The following PPP6R3 variants were observed in gnomAD, a reference collection of about 807,000 sequenced individuals.
The protein encoded by PPP6R3 is serine/threonine-protein phosphatase 6 regulatory subunit 3.
A neutral mutation model predicts 110.7 loss-of-function variants in PPP6R3; 38 were observed. The ratio of observed to expected loss-of-function variants is 0.34; its 90% CI spans 0.26 to 0.45. The LOEUF (loss-of-function observed/expected upper bound fraction) is 0.45. PPP6R3 is among the 20% of genes least tolerant of loss of function. The pLI, the probability that PPP6R3 is intolerant of heterozygous loss-of-function variation, is 1.00. For synonymous variants in PPP6R3, 369 were observed against 373.5 expected, an observed-to-expected ratio of 0.99 and a Z score of 0.14; for missense variants, 870 against 1,062.4, an observed-to-expected ratio of 0.82 and a Z score of 2.52.
At chr11:68,530,505 C>A (rs1010898989) in intron 2 of PPP6R3, among the ~76,000 whole-genome samples, 1 of 152,194 alleles carries the variant, frequency 6.6e-6, no homozygotes, top group African/African-American at 2.4e-5. Context: ...GTTTAGGTAG[C>A]GGCAACTTCT....
chr11:68,558,570 G>C lies in PPP6R3; in HGVS notation c.736G>C (p.Glu246Gln). 3.7e-6 allele frequency: 6 copies of C among 1,607,950 alleles called. No homozygotes were observed. The highest frequency in any genetic ancestry group is 4.3e-6 in the Non-Finnish European group (5 of 1,175,546). ...ATTATTGATTTGTTTCCCTAGGCAA[G>C]AAATTATAGAGCAGCTTCTATCAAA... ...DPLLATLEKQ[E>Q]IIEQLLSNIF... Residue 246 changes from glutamate (E) to glutamine (Q), a missense_variant, in exon 8 of 24, where the codon GAA (glutamate) becomes CAA (glutamine). Transcript: ENST00000393800.
At chr11:68,501,295 T>C (rs1384996008) in intron 1 of PPP6R3, among the ~76,000 whole-genome samples, 1 of 152,202 alleles carries the variant, frequency 6.6e-6, no homozygotes, top group Admixed American at 6.5e-5. Context: ...TAAATTACAA[T>C]GTGATTAACC....
At chr11:68,519,469 T>A (rs985387066) in intron 1 of PPP6R3, 32 bp from the exon 2 acceptor site, 1 of 396,102 alleles carries the variant, frequency 2.5e-6, no homozygotes, top group African/African-American at 2.1e-5. Context: ...AGAGAACATA[T>A]GTGATTATCT....
At chr11:68,463,230 A>C (rs2098720852) in intron 1 of PPP6R3, among the ~76,000 whole-genome samples, 1 of 151,882 alleles carries the variant, frequency 6.6e-6, no homozygotes, top group Non-Finnish European at 1.5e-5. Context: ...TTAGTCGGTC[A>C]TGGTGGCGTG....
At chr11:68,533,481 G>A (rs769212254) in intron 2 of PPP6R3, among the ~76,000 whole-genome samples, 8 of 152,000 alleles carry the variant, frequency 5.3e-5, no homozygotes, top group Non-Finnish European at 1.0e-4. Flanking sequence ...GAGAGGCAGA[G>A]GTGGTCGATT....
rs114830791 is a variant in PPP6R3 at position 68,551,294 on chromosome 11, A to G, written c.618+108A>G. 8.2e-4 allele frequency: 654 copies of G among 798,218 alleles called. 6 individuals are homozygous for G. In the African/African-American group the frequency reaches 0.011, roughly 13 times the overall value. The allele number at this position is 798,218 out of a possible 1,614,324, so 49.4% of individuals were successfully genotyped here. A position where few individuals can be genotyped will look rare whatever the true frequency, so the allele number is the denominator to read the frequency against. ...AAATGTGAACATGATCAGAGCATAC[A>G]GGGAGAATAGCAGCGATCTAGTGTT... On this transcript the variant is annotated intron_variant, in intron 6 of 23. Transcript: ENST00000393800.
intron 1 of PPP6R3, among the ~76,000 whole-genome samples, chr11:68,465,179 TTTTTTG>T (rs1383790166): frequency 1.3e-5 from 2 of 151,988 alleles, no homozygotes; most frequent in Non-Finnish European, 2.9e-5. Flanking sequence ...ACCATGCCTG[TTTTTTG>T]TTTTTGTTTT....
chr11:68,573,112 TTTTATATATATATA>T (rs1316568775), intron 12 of PPP6R3, among the ~76,000 whole-genome samples: 3 of 38,078 alleles, frequency 7.9e-5, no homozygotes, highest in African/African-American at 3.1e-4. Flanking sequence ...AGTTTACTTA[TTTTATATATATATA>T]TATATATATA....
At chr11:68,556,875 T>C (rs1281194978) in intron 7 of PPP6R3, among the ~76,000 whole-genome samples, 1 of 152,240 alleles carries the variant, frequency 6.6e-6, no homozygotes, top group Non-Finnish European at 1.5e-5. Flanking sequence ...TGTCAAGTTT[T>C]CGCTGGTTAT....
intron 4 of PPP6R3, 26 bp downstream of exon 4, chr11:68,545,050 G>C: frequency 6.5e-7 from 1 of 1,534,744 alleles, no homozygotes; most frequent in Non-Finnish European, 9.0e-7. Flanking sequence ...CAAAAGGTAA[G>C]TATTAGGGCT....
intron 8 of PPP6R3, among the ~76,000 whole-genome samples, chr11:68,561,268 T>C (rs1565855286): frequency 6.6e-6 from 1 of 152,200 alleles, no homozygotes; most frequent in Non-Finnish European, 1.5e-5. Context: ...TTGGCATTTT[T>C]TTCCACCTTT....
At chr11:68,581,003 C>T (rs1247859624) in intron 14 of PPP6R3, among the ~76,000 whole-genome samples, 1 of 152,022 alleles carries the variant, frequency 6.6e-6, no homozygotes, top group Non-Finnish European at 1.5e-5. Flanking sequence ...GATCTCCTGA[C>T]CTCGTGATCC....
In PPP6R3 at chr11:68,503,069, G is replaced by A. The variant is rs184334352; in HGVS notation, c.-157-16432G>A. ...AGTGATTCTCCTGCCTCAGCCTCCCGAGTACCTGGGACTACAGGCGCACAC... is the reference window on the plus strand; with the variant it reads ...AGTGATTCTCCTGCCTCAGCCTCCCAAGTACCTGGGACTACAGGCGCACAC... On this transcript the variant is annotated intron_variant, in intron 1 of 23. Transcript: ENST00000393800. 3.6e-3 allele frequency among the ~76,000 whole-genome samples: 545 copies of A among 151,900 alleles called. 3 individuals are homozygous for A. Among genetic ancestry groups the A allele is most frequent in the African/African-American group, 0.012 (511 of 41,382 alleles).
chr11:68,493,371 C>G (rs1416281270), intron 1 of PPP6R3, among the ~76,000 whole-genome samples: 1 of 151,918 alleles, frequency 6.6e-6, no homozygotes, highest in African/African-American at 2.4e-5. Flanking sequence ...TAATTTCTCC[C>G]TCTATTTCAT....
At chr11:68,525,127 C>T (rs1365414777) in intron 2 of PPP6R3, among the ~76,000 whole-genome samples, 2 of 152,336 alleles carry the variant, frequency 1.3e-5, no homozygotes, top group Non-Finnish European at 1.5e-5. Context: ...AGCATGTTTA[C>T]TAGCTCTGGT....
intron 2 of PPP6R3, among the ~76,000 whole-genome samples, chr11:68,536,337 G>C (rs1166059614): frequency 6.6e-6 from 1 of 151,912 alleles, no homozygotes; most frequent in East Asian, 1.9e-4. Flanking sequence ...TGCCCTGCTG[G>C]AGTGTAGGAG....
At chr11:68,502,136 C>T (rs1280698630) in intron 1 of PPP6R3, among the ~76,000 whole-genome samples, 2 of 152,108 alleles carry the variant, frequency 1.3e-5, no homozygotes, top group African/African-American at 4.8e-5. Flanking sequence ...CTACGAAAGA[C>T]AATGCAGGCT....
chr11:68,534,633 G>A (rs2840367), intron 2 of PPP6R3, among the ~76,000 whole-genome samples: 93,080 of 152,148 alleles, frequency 0.61, 29,735 homozygotes, highest in South Asian at 0.8. Flanking sequence ...ATTGGTGAAC[G>A]TATACCCTGT....
Position 68,613,538 on chromosome 11 carries a change from C to A in PPP6R3, c.*421C>A. The A allele has an allele frequency of 1.0e-6, 1 of 986,804 alleles. No individual in the cohort carries two copies. Among genetic ancestry groups the A allele is most frequent in the Non-Finnish European group, 1.2e-6 (1 of 830,652 alleles). The allele number at this position is 986,804 out of a possible 1,614,324, so 61.1% of individuals were successfully genotyped here. On this transcript the variant is annotated 3_prime_UTR_variant, in exon 24 of 24. Coordinates refer to ENST00000393800, the MANE Select transcript of PPP6R3 (RefSeq NM_001164161.2). ...TTAGGCGGTTTTCATACATTTTTCA[C>A]CTTGTACAAAATTATGAATTCATTT...
Sources: allele counts gnomAD v4.1 joint callset (sites outside exome capture counted in the v4.1 genomes callset), GRCh38; gene constraint gnomAD v4.1.1; transcripts MANE v1.5; gene names NCBI Gene and HGNC (gene_info 2026-07-23, HGNC 2026-07-21).